Variants in ZNF544 observed in about 807,000 individuals in gnomAD.
The protein encoded by ZNF544 is zinc finger protein AF020591.
Under a neutral mutation model 13.5 loss-of-function variants are expected in ZNF544, and 10 were observed. That is an observed-to-expected ratio of 0.74 (90% CI 0.46 to 1.25). The LOEUF (loss-of-function observed/expected upper bound fraction) is 1.25. Ranked by LOEUF, ZNF544 falls within the 50% of genes most tolerant of loss-of-function variation. The probability of loss-of-function intolerance (pLI) is 0.00; values close to 1 mark genes in which losing one functional copy is unlikely to be tolerated. For synonymous variants in ZNF544, 323 were observed against 300.5 expected (o/e 1.07, Z -0.77); for missense variants, 896 against 845.6 (o/e 1.06, Z -0.74).
rs1386414103 is a variant in ZNF544, at chr19:58,253,506, T to G, written c.244+6712T>G. Among the ~76,000 whole-genome samples the G allele has an allele frequency of 2.0e-5, 3 of 152,234 alleles. No individual in the cohort carries two copies. The East Asian group carries it at 5.8e-4, about 29-fold the overall frequency. On this transcript the variant is annotated intron_variant, in intron 6 of 6. Transcript: ENST00000687789. ...CAGGCTGGAGTACAGAGGCACAATC[T>G]CAGCTCACTGCAACCTTCATCTCCT...
intron 3 of ZNF544, among the ~76,000 whole-genome samples, chr19:58,242,980 C>T (rs762846629): frequency 1.2e-4 from 19 of 152,254 alleles, no homozygotes; most frequent in Non-Finnish European, 2.2e-4. Flanking sequence ...CACGCGTGAG[C>T]CACCGCACCT....
intron 6 of ZNF544, among the ~76,000 whole-genome samples, chr19:58,251,147 TA>T (rs1288549001): frequency 6.6e-6 from 1 of 152,210 alleles, no homozygotes; most frequent in Non-Finnish European, 1.5e-5. Context: ...ACACTTTGCT[TA>T]ATTATTACAA....
chr19:58,261,371 C>T lies in ZNF544; in HGVS notation c.765C>T (p.Ser255=), dbSNP rs372977884. ...IVSGDSLNYG[S]SLCFHGRTFS... ...GTGGTGACTCTCTCAACTATGGTTC[C>T]TCCCTTTGTTTTCATGGTAGAACTT... The change falls in exon 7 of 7, where the codon TCC becomes TCT. Residue 255 remains serine (S), a synonymous_variant. Coordinates refer to ENST00000687789, the MANE Select transcript of ZNF544 (RefSeq NM_014480.4). The T allele has an allele frequency of 1.6e-4, 251 of 1,614,152 alleles. No individual in the cohort carries two copies. Among genetic ancestry groups the T allele is most frequent in the Middle Eastern group, 8.2e-4 (5 of 6,062 alleles).
At chr19:58,265,282 A>ATATT (rs139270092), downstream of ZNF544, among the ~76,000 whole-genome samples, 35,168 of 147,192 alleles carry the variant, frequency 0.24, 4,581 homozygotes, top group East Asian at 0.52. Flanking sequence ...CCATGTCTGC[A>ATATT]TATTTATTTA....
Position 58,262,415 on chromosome 19 carries a change from C to T in ZNF544, c.1809C>T (p.Pro603=). 2 of 1,614,174 alleles carry T rather than the reference C, an allele frequency of 1.2e-6. No homozygotes were observed. Among genetic ancestry groups the T allele is most frequent in the Non-Finnish European group, 1.7e-6 (2 of 1,180,028 alleles). Residue 603 remains proline (P), a synonymous_variant, in exon 7 of 7, where the codon CCC becomes CCT. Coordinates refer to ENST00000687789, the MANE Select transcript of ZNF544 (RefSeq NM_014480.4). The stretch of plus-strand genomic sequence containing the variant: ...AAAGAACTCACACTGGAGAAAAGCC[C>T]TATGAATGTAACGAGTGTGGAAAAG... ...AHKRTHTGEK[P]YECNECGKAF... is the part of the protein sequence containing the mutation.
chr19:58,248,130 T>G (rs1345737286), intron 6 of ZNF544, among the ~76,000 whole-genome samples: 1 of 151,980 alleles, frequency 6.6e-6, no homozygotes, highest in Non-Finnish European at 1.5e-5. Flanking sequence ...GCCAGGATGG[T>G]CTCGATCTCC....
Position 58,246,705 on chromosome 19 carries a change from G to T in ZNF544, c.161-6G>T. 5 of 1,613,692 alleles carry T rather than the reference G, an allele frequency of 3.1e-6. No homozygotes were observed. In the South Asian group the frequency reaches 4.4e-5, roughly 14 times the overall value. ...AGGGGCAAGTCCTTTTTCCGTCTTTGACCAGGGCTTTTCCTTTCCAAATCT... is the reference window on the plus strand; with the variant it reads ...AGGGGCAAGTCCTTTTTCCGTCTTTTACCAGGGCTTTTCCTTTCCAAATCT... On this transcript the variant is annotated splice_region_variant and splice_polypyrimidine_tract_variant and intron_variant, in intron 5 of 6. Transcript: ENST00000687789.
At chr19:58,245,921 A>C (rs1266949658) in intron 4 of ZNF544, 24 of 335,886 alleles carry the variant, frequency 7.1e-5, no homozygotes, top group South Asian at 5.7e-4. Context: ...GAGCTGTCCC[A>C]GTCCGTTTGG....
chr19:58,238,296 C>T (rs2042855142), intron 3 of ZNF544, among the ~76,000 whole-genome samples: 1 of 152,126 alleles, frequency 6.6e-6, no homozygotes, highest in Non-Finnish European at 1.5e-5. Flanking sequence ...CTCCTAAGGG[C>T]AGCGAAAAGC....
chr19:58,266,828 A>G (rs1044238709), downstream of ZNF544: 1 of 152,236 alleles, frequency 6.6e-6, no homozygotes, highest in African/African-American at 2.4e-5. Context: ...TTTGCTCTGC[A>G]GCAAGGGCTG....
At chr19:58,276,176 C>CA (rs200796687) in intron 5 of ZNF544, 5 of 402,380 alleles carry the variant, frequency 1.2e-5, no homozygotes, top group Non-Finnish European at 1.7e-5. Flanking sequence ...GACCCTGTCT[C>CA]AAAAAACAAA....
intron 3 of ZNF544, among the ~76,000 whole-genome samples, chr19:58,241,193 G>A (rs536697998): frequency 0.038 from 1,206 of 31,836 alleles, 17 homozygotes; most frequent in Non-Finnish European, 0.049. Flanking sequence ...TTTTTTTTTT[G>A]TAGAGATAGG....
Position 58,244,201 on chromosome 19 carries a change from G to A in ZNF544, c.33+145G>A, listed in dbSNP as rs1026205928. Reference sequence around the variant, plus strand: ...TCCCAGTGAAATGCTCCAGCTCCCTGCAGTAAAGCGCGGCACCCGTCACCA... The same window carrying A: ...TCCCAGTGAAATGCTCCAGCTCCCTACAGTAAAGCGCGGCACCCGTCACCA... On this transcript the variant is annotated intron_variant, in intron 4 of 6. Transcript: ENST00000687789. 3 of 622,874 alleles carry A rather than the reference G, an allele frequency of 4.8e-6. No homozygotes were observed. The African/African-American group carries it at 5.7e-5, about 12-fold the overall frequency. 38.6% of individuals were successfully genotyped at this position (622,874 alleles called of 1,614,324 possible).
At position 58,241,182 on chromosome 19, in the gene ZNF544, T is replaced by TTAATATATATATATA. The variant is rs2043721872; in HGVS notation, c.-59-2782_-59-2781insAATATATATATATAT. 6.0e-5 allele frequency among the ~76,000 whole-genome samples: 4 copies of TTAATATATATATATA among 66,342 alleles called. 1 individual carries two copies. Among genetic ancestry groups the TTAATATATATATATA allele is most frequent in the African/African-American group, 1.5e-4 (3 of 19,680 alleles). 43.5% of individuals were successfully genotyped at this position (66,342 alleles called of 152,430 possible). ...ATTTAAATATATATATATATATATT[T>TTAATATATATATATA]TTTTTTTTTTGTAGAGATAGGGTCT... On this transcript the variant is annotated intron_variant, in intron 3 of 6. Coordinates refer to ENST00000687789, the MANE Select transcript of ZNF544 (RefSeq NM_014480.4).
chr19:58,252,468 T>C (rs180811163), intron 6 of ZNF544, among the ~76,000 whole-genome samples: 2 of 152,282 alleles, frequency 1.3e-5, no homozygotes, highest in East Asian at 3.9e-4. Flanking sequence ...CAAGAATACA[T>C]CTTCATATAC....
intron 6 of ZNF544, chr19:58,251,401 G>T (rs1308060261): frequency 7.7e-6 from 4 of 518,834 alleles, no homozygotes; most frequent in East Asian, 5.4e-5. Flanking sequence ...CTTGACACCA[G>T]AAAGATGTAT....
chr19:58,258,204 C>G (rs540922584), intron 6 of ZNF544: 1 of 152,556 alleles, frequency 6.6e-6, no homozygotes, highest in South Asian at 2.1e-4. Context: ...CATGGCCACG[C>G]AAAACCTGGA....
chr19:58,229,028 G>GC (rs910877420), intron 1 of ZNF544, 82 bp downstream of exon 1: 2 of 152,592 alleles, frequency 1.3e-5, no homozygotes, highest in Non-Finnish European at 2.9e-5. Flanking sequence ...GGCCAGAGCC[G>GC]CCCCAAGTGA....
rs1600429446 is a variant in ZNF544 at position 58,270,388 on chromosome 19, G to A, written c.245-5935G>A. On this transcript the variant is annotated intron_variant, in intron 5 of 6. Coordinates refer to the ZNF544 transcript ENST00000595981. ...GCGATCTTGGCTCACTGTAACCTCC[G>A]CCTCCCGGGTTCAAGCAATTCTCCT... 2.7e-5 allele frequency among the ~76,000 whole-genome samples: 4 copies of A among 148,380 alleles called. No homozygotes were observed. The Admixed American group carries it at 2.8e-4, about 10-fold the overall frequency.
Sources: allele counts gnomAD v4.1 joint callset (sites outside exome capture counted in the v4.1 genomes callset), GRCh38; gene constraint gnomAD v4.1.1; transcripts MANE v1.5; gene names NCBI Gene and HGNC (gene_info 2026-07-23, HGNC 2026-07-21).